The following SCHIP1 variants were observed in gnomAD, a reference collection of about 807,000 sequenced individuals.
SCHIP1 encodes the protein schwannomin interacting protein 1.
In SCHIP1, 8 loss-of-function variants were observed where a neutral mutation model predicts 29.7. The observed-to-expected ratio is 0.27, with a 90% CI of 0.16 to 0.49. SCHIP1 has a LOEUF of 0.49. Ranked by LOEUF, SCHIP1 falls within the 20% of genes least tolerant of loss-of-function variation. The probability of loss-of-function intolerance (pLI) is 0.99; values close to 1 mark genes in which losing one functional copy is unlikely to be tolerated. For missense variants in SCHIP1, 193 were observed against 294.6 expected, an observed-to-expected ratio of 0.66 and a Z score of 2.52; for synonymous variants, 76 against 94.9, an observed-to-expected ratio of 0.80 and a Z score of 1.16.
the SCHIP1 span, among the ~76,000 whole-genome samples, chr3:159,685,309 C>T: frequency 6.6e-6 from 1 of 152,142 alleles, no homozygotes; most frequent in African/African-American, 2.4e-5. Context: ...GAAAACATAA[C>T]ATAAATTTAT....
the SCHIP1 span, among the ~76,000 whole-genome samples, chr3:159,363,504 A>T: frequency 1.3e-5 from 2 of 152,286 alleles, no homozygotes; most frequent in South Asian, 4.1e-4. Context: ...TATTGAATAA[A>T]TATGATAGCC....
the SCHIP1 span, among the ~76,000 whole-genome samples, chr3:159,750,111 T>C: frequency 2.0e-5 from 3 of 151,976 alleles, no homozygotes; most frequent in African/African-American, 7.2e-5. Context: ...TGAAACTATT[T>C]CCTTATATTC....
the SCHIP1 span, among the ~76,000 whole-genome samples, chr3:159,372,060 G>T: frequency 0.011 from 1,704 of 152,212 alleles, 19 homozygotes; most frequent in South Asian, 0.032. Context: ...TATTGAAATA[G>T]CTTCTCAGAA....
the SCHIP1 span, chr3:159,275,037 G>A: frequency 5.1e-6 from 5 of 977,328 alleles, no homozygotes; most frequent in African/African-American, 1.8e-5. Context: ...TTGATTTTGG[G>A]ATAAATGGTA....
the SCHIP1 span, among the ~76,000 whole-genome samples, chr3:159,731,164 A>T: frequency 6.6e-6 from 1 of 152,266 alleles, no homozygotes; most frequent in Non-Finnish European, 1.5e-5. Context: ...CACCTGGCAG[A>T]CGTCAAAGCA....
the SCHIP1 span, among the ~76,000 whole-genome samples, chr3:159,731,834 A>G: frequency 7.9e-5 from 12 of 152,268 alleles, no homozygotes; most frequent in Non-Finnish European, 1.5e-4. Flanking sequence ...CTTTAAAATT[A>G]GCCCACCAAA....
chr3:159,416,876 G>C, the SCHIP1 span, among the ~76,000 whole-genome samples: 1 of 152,302 alleles, frequency 6.6e-6, no homozygotes, highest in Admixed American at 6.5e-5. Context: ...GACAGGGGAT[G>C]ATCTGTTTGT....
chr3:159,619,149 G>A, the SCHIP1 span, among the ~76,000 whole-genome samples: 1 of 152,228 alleles, frequency 6.6e-6, no homozygotes, highest in East Asian at 1.9e-4. Flanking sequence ...GTTTCCATCA[G>A]CATTTATCTT....
rs1223231983 is a variant in SCHIP1, at chr3:159,867,977, ATATATATATATATAAATCAATGATT to A, written c.149+1709_149+1733del. ...TTTTGATTTTGAAAATCAGTGATTT[ATATATATATATATAAATCAATGATT>A]TATATATATATAAATCAATGATTTT... On this transcript the variant is annotated intron_variant, in intron 2 of 6. Transcript: ENST00000445224. 7.7e-3 allele frequency among the ~76,000 whole-genome samples: 1,137 copies of A among 146,856 alleles called. 11 individuals are homozygous for A. Among genetic ancestry groups the A allele is most frequent in the African/African-American group, 0.027 (1,093 of 39,878 alleles).
At chr3:159,493,310 T>C in the SCHIP1 span, among the ~76,000 whole-genome samples, 4 of 152,120 alleles carry the variant, frequency 2.6e-5, no homozygotes, top group African/African-American at 7.2e-5. Context: ...TACTGGCAAA[T>C]TGGATAAAGA....
chr3:159,533,790 A>G, the SCHIP1 span, among the ~76,000 whole-genome samples: 1 of 152,236 alleles, frequency 6.6e-6, no homozygotes, highest in Admixed American at 6.5e-5. Flanking sequence ...GTCAAGGCCA[A>G]TTAAAATGTA....
At chr3:159,427,069 G>A in the SCHIP1 span, among the ~76,000 whole-genome samples, 1 of 152,154 alleles carries the variant, frequency 6.6e-6, no homozygotes, top group African/African-American at 2.4e-5. Flanking sequence ...CAAACCCACA[G>A]CCAATATCAT....
chr3:159,528,063 C>A, the SCHIP1 span, among the ~76,000 whole-genome samples: 1 of 152,156 alleles, frequency 6.6e-6, no homozygotes, highest in Non-Finnish European at 1.5e-5. Flanking sequence ...GTGCTAATTA[C>A]CTCCAGTCTT....
the SCHIP1 span, among the ~76,000 whole-genome samples, chr3:159,673,798 C>A: frequency 6.8e-4 from 104 of 152,184 alleles, no homozygotes; most frequent in South Asian, 1.9e-3. Context: ...ACAACAACAA[C>A]AAAAAACATG....
At chr3:159,276,952 A>G in the SCHIP1 span, among the ~76,000 whole-genome samples, 5 of 151,574 alleles carry the variant, frequency 3.3e-5, no homozygotes, top group African/African-American at 1.2e-4. Flanking sequence ...TCTGACTCTC[A>G]TCTTGGATTT....
At chr3:159,299,824 G>A in the SCHIP1 span, among the ~76,000 whole-genome samples, 2 of 152,298 alleles carry the variant, frequency 1.3e-5, no homozygotes, top group South Asian at 4.1e-4. Context: ...GTGTGAGGGA[G>A]TGAGGTCCCA....
intron 2 of SCHIP1, among the ~76,000 whole-genome samples, chr3:159,875,602 G>A (rs1715722133): frequency 6.6e-6 from 1 of 152,184 alleles, no homozygotes; most frequent in Admixed American, 6.5e-5. Context: ...TCCTATACAT[G>A]TGTCTAGACA....
At chr3:159,839,903 A>G (rs1744052153) in exon 1 of SCHIP1, 1 of 1,396,224 alleles carries the variant, frequency 7.2e-7, no homozygotes, top group East Asian at 2.7e-5. Context: ...TGTGCGGGTG[A>G]TGAGCGCCCC....
chr3:159,764,378 G>A, the SCHIP1 span: 4 of 1,505,794 alleles, frequency 2.7e-6, no homozygotes, highest in Non-Finnish European at 1.8e-6. The surrounding 1 kb of genome is among the most constrained non-coding windows in gnomAD (Gnocchi z 6.1). Flanking sequence ...GGGGCATTTG[G>A]GGCGGGTGGC....
Sources: gnomAD v4.1 joint callset for allele counts (sites outside exome capture counted in the v4.1 genomes callset) on GRCh38, gnomAD v4.1.1 for gene constraint, Gnocchi (gnomAD v3.1) non-coding constraint, MANE v1.5 for transcripts, NCBI Gene and HGNC (gene_info 2026-07-23, HGNC 2026-07-21) for gene names.